The following UACA variants were observed in gnomAD, a reference collection of about 807,000 sequenced individuals.
The protein encoded by UACA is nuclear membrane binding protein.
A neutral mutation model predicts 160.5 loss-of-function variants in UACA; 112 were observed. The observed-to-expected ratio is 0.70, with a 90% CI of 0.60 to 0.82. The LOEUF (loss-of-function observed/expected upper bound fraction) is 0.82. UACA is among the 40% of genes least tolerant of loss of function. The pLI is 0.00. For synonymous variants in UACA, 557 were observed against 568.4 expected, an observed-to-expected ratio of 0.98 and a Z score of 0.29; for missense variants, 1,574 against 1,614.6, an observed-to-expected ratio of 0.97 and a Z score of 0.43.
chr15:70,668,133 A>G lies in UACA; in HGVS notation c.2551T>C (p.Leu851=). Residue 851 remains leucine, a synonymous_variant, in exon 16 of 19, where the codon TTG becomes CTG. Coordinates refer to ENST00000322954, the MANE Select transcript of UACA (RefSeq NM_018003.4). ...TACTGATTACTCATCATCTTCTTCAAGTTAGTGTTTTCAGATGTGAGAGCG... is the reference window on the plus strand; with the variant it reads ...TACTGATTACTCATCATCTTCTTCAGGTTAGTGTTTTCAGATGTGAGAGCG... ...IHALTSENTN[L]KKMMSNQYVP... 6.2e-7 allele frequency: 1 copy of G among 1,613,638 alleles called. No individual in the cohort carries two copies. Among genetic ancestry groups the G allele is most frequent in the Non-Finnish European group, 8.5e-7 (1 of 1,179,948 alleles).
intron 1 of UACA, chr15:70,758,175 CA>C (rs1240791548): frequency 6.6e-6 from 1 of 152,180 alleles, no homozygotes; most frequent in Admixed American, 6.5e-5. Flanking sequence ...CCCACCAAAC[CA>C]CTCTGCTTTG....
rs760416879 is a variant in UACA, at chr15:70,695,042, A to G, written c.276T>C (p.Val92=). Residue 92 remains valine, a synonymous_variant, in exon 3 of 19, where the codon GTT becomes GTC. Coordinates refer to ENST00000322954, the MANE Select transcript of UACA (RefSeq NM_018003.4). ...ECLNAILIHG[V]DITTSDTAGR... is the part of the protein sequence containing the mutation. ...CTGCAGTGTCACTGGTTGTAATATCAACTCCATGTATAAGGATGGCATTCA... is the reference window on the plus strand; with the variant it reads ...CTGCAGTGTCACTGGTTGTAATATCGACTCCATGTATAAGGATGGCATTCA... The G allele has an allele frequency of 6.2e-7, 1 of 1,610,708 alleles. No individual in the cohort carries two copies. Among genetic ancestry groups the G allele is most frequent in the Non-Finnish European group, 8.5e-7 (1 of 1,178,180 alleles).
intron 13 of UACA, among the ~76,000 whole-genome samples, 162 bp from the exon 14 acceptor site, chr15:70,672,163 C>A (rs1360420208): frequency 1.3e-5 from 2 of 152,118 alleles, no homozygotes; most frequent in Non-Finnish European, 2.9e-5. Flanking sequence ...AGAAACAACA[C>A]TAGCAACACT....
In UACA at chr15:70,687,607, T is replaced by G. The variant is rs1278582950; in HGVS notation, c.535A>C (p.Arg179=). 1 of 1,613,828 alleles carries G rather than the reference T, an allele frequency of 6.2e-7. No homozygotes were observed. Among genetic ancestry groups the G allele is most frequent in the African/African-American group, 1.3e-5 (1 of 74,914 alleles). ...ATCAGCAGTTGACATATTGTTGGCC[T>G]ACTCATCTGAGTAGCCAGAACAAGT... ...TPLVLATQMS[R]PTICQLLIDR... The change falls in exon 7 of 19, where the codon AGG becomes CGG. Residue 179 remains arginine (R), a synonymous_variant. Transcript: ENST00000322954.
At chr15:70,687,842 G>A in intron 5 of UACA, 22 bp from the exon 6 acceptor site, 1 of 1,609,172 alleles carries the variant, frequency 6.2e-7, no homozygotes, top group South Asian at 1.1e-5. Context: ...AAAAGAAAAT[G>A]ATAAATGGTG....
chr15:70,656,020 C>T lies in UACA; in HGVS notation c.*1036G>A, dbSNP rs1301106578. ...TTCAGAGTATTTACTATAAACATGT[C>T]CACTTATGTTATTTTATTGCTATCT... On this transcript the variant is annotated 3_prime_UTR_variant, in exon 19 of 19. Coordinates refer to ENST00000322954, the MANE Select transcript of UACA (RefSeq NM_018003.4). 1 of 152,126 alleles carries T rather than the reference C, an allele frequency of 6.6e-6. No individual in the cohort carries two copies. Among genetic ancestry groups the T allele is most frequent in the Non-Finnish European group, 1.5e-5 (1 of 68,006 alleles). 9.4% of individuals were successfully genotyped at this position (152,126 alleles called of 1,614,324 possible).
At chr15:70,767,263 ACAAAAACAAAAAC>A (rs1567007255), upstream of UACA, among the ~76,000 whole-genome samples, 44 of 136,780 alleles carry the variant, frequency 3.2e-4, 1 homozygote, top group African/African-American at 6.1e-4. Flanking sequence ...AAAACAAAAA[ACAAAAACAAAAAC>A]AACAACAATA....
intron 2 of UACA, among the ~76,000 whole-genome samples, chr15:70,696,578 A>G (rs1443915118): frequency 6.6e-6 from 1 of 152,188 alleles, no homozygotes; most frequent in East Asian, 1.9e-4. Flanking sequence ...TTTGTGTACA[A>G]TCCGAATTAG....
intron 1 of UACA, among the ~76,000 whole-genome samples, chr15:70,700,865 T>C (rs142248468): frequency 2.0e-5 from 3 of 152,194 alleles, no homozygotes; most frequent in African/African-American, 4.8e-5. Context: ...ATGAATCCTA[T>C]GGCCACAAAT....
intron 1 of UACA, chr15:70,703,248 A>G (rs1482879188): frequency 1.6e-6 from 2 of 1,287,944 alleles, no homozygotes; most frequent in Non-Finnish European, 1.0e-6. Context: ...CACTTCCTCT[A>G]AAAAGACACA....
rs539528573 is a variant in UACA at position 70,678,331 on chromosome 15, G to A, written c.892-125C>T. The A allele has an allele frequency of 4.0e-5, 21 of 531,062 alleles. No individual in the cohort carries two copies. The South Asian group carries it at 6.0e-4, about 15-fold the overall frequency. 32.9% of individuals were successfully genotyped at this position (531,062 alleles called of 1,614,324 possible). Reference sequence around the variant, plus strand: ...CATATGTAAAACACTAAGTACAAAAGATACAATAATTTCAATGATATGCCA... The same window carrying A: ...CATATGTAAAACACTAAGTACAAAAAATACAATAATTTCAATGATATGCCA... On this transcript the variant is annotated intron_variant, in intron 10 of 18. Coordinates refer to ENST00000322954, the MANE Select transcript of UACA (RefSeq NM_018003.4).
Position 70,684,337 on chromosome 15 carries a change from A to G in UACA, c.712T>C (p.Tyr238His). Reference protein sequence around the residue: ...LLDALGHDSSYYARIGDNLDI... With the variant: ...LLDALGHDSSHYARIGDNLDI... ...AGATTGTCACCAATTCTTGCATAGT[A>G]AGAACTATCATGGCCAAGCGCATCC... The change falls in exon 8 of 19, where the codon TAC becomes CAC. Residue 238 changes from tyrosine to histidine, a missense_variant. Coordinates refer to ENST00000322954, the MANE Select transcript of UACA (RefSeq NM_018003.4). 1 of 1,613,798 alleles carries G rather than the reference A, an allele frequency of 6.2e-7. No homozygotes were observed. The highest frequency in any genetic ancestry group is 1.7e-4 in the Middle Eastern group (1 of 6,054).
intron 1 of UACA, among the ~76,000 whole-genome samples, chr15:70,762,077 C>G (rs186135219): frequency 6.6e-6 from 1 of 152,010 alleles, no homozygotes; most frequent in African/African-American, 2.4e-5. Flanking sequence ...ACAAAGTAAT[C>G]TCTGTTTTCC....
chr15:70,764,828 G>A (rs1396947266), upstream of UACA, among the ~76,000 whole-genome samples: 2 of 151,844 alleles, frequency 1.3e-5, no homozygotes, highest in Admixed American at 6.6e-5. Context: ...AGTTCTTGTT[G>A]GCTCTTTAAA....
At chr15:70,746,292 AAAAC>A (rs1231960177) in intron 1 of UACA, among the ~76,000 whole-genome samples, 2 of 152,220 alleles carry the variant, frequency 1.3e-5, no homozygotes, top group East Asian at 1.9e-4. Flanking sequence ...TTACAAGAAA[AAAAC>A]AAACAACCCC....
intron 15 of UACA, among the ~76,000 whole-genome samples, chr15:70,670,706 G>A (rs961422457): frequency 2.5e-4 from 38 of 151,892 alleles, no homozygotes; most frequent in African/African-American, 9.2e-4. Flanking sequence ...TTATATTTTG[G>A]ATTATTCATA....
At chr15:70,659,076 C>T (rs147908025) in intron 18 of UACA, among the ~76,000 whole-genome samples, 1 of 152,266 alleles carries the variant, frequency 6.6e-6, no homozygotes, top group Non-Finnish European at 1.5e-5. Context: ...TACAGATTTT[C>T]TGCTATTTCC....
At chr15:70,684,918 T>C (rs1897655803) in intron 7 of UACA, among the ~76,000 whole-genome samples, 1 of 152,164 alleles carries the variant, frequency 6.6e-6, no homozygotes, top group Non-Finnish European at 1.5e-5. Context: ...TTCCACTTCT[T>C]CAATGTCCTA....
chr15:70,763,559 A>G (rs2141022666), upstream of UACA: 1 of 1,236,108 alleles, frequency 8.1e-7, no homozygotes, highest in Non-Finnish European at 1.0e-6. Context: ...AGACGTCGAC[A>G]GGCCTGAGGC....
Sources: gnomAD v4.1 joint callset for allele counts (sites outside exome capture counted in the v4.1 genomes callset) on GRCh38, gnomAD v4.1.1 for gene constraint, MANE v1.5 for transcripts, NCBI Gene and HGNC (gene_info 2026-07-23, HGNC 2026-07-21) for gene names.